TSNARE1: variants seen among roughly 807,000 people sequenced by gnomAD.
TSNARE1 encodes t-SNARE domain-containing protein 1.
Under a neutral mutation model 62.0 loss-of-function variants are expected in TSNARE1, and 49 were observed. That is an observed-to-expected ratio of 0.79 (90% CI 0.63 to 1.00). The LOEUF is 1.00. Among genes scored for constraint, TSNARE1 ranks in the 50% least tolerant of loss-of-function variants. TSNARE1 has a pLI of 0.00. For missense variants in TSNARE1, 755 were observed against 700.1 expected (o/e 1.08, Z -0.88); for synonymous variants, 328 against 294.4 (o/e 1.11, Z -1.17).
intron 9 of TSNARE1, among the ~76,000 whole-genome samples, chr8:142,308,127 A>G (rs1047832817): frequency 6.6e-6 from 1 of 152,178 alleles, no homozygotes; most frequent in Non-Finnish European, 1.5e-5. Context: ...ATCTTTATAT[A>G]TTAAGGATGT....
intron 4 of TSNARE1, among the ~76,000 whole-genome samples, chr8:142,340,566 A>T (rs1832441286): frequency 6.6e-6 from 1 of 152,216 alleles, no homozygotes; most frequent in Non-Finnish European, 1.5e-5. Flanking sequence ...GAAGACTTTA[A>T]AAGGGTGAAA....
intron 5 of TSNARE1, among the ~76,000 whole-genome samples, chr8:142,331,371 C>T (rs114008781): frequency 0.013 from 2,008 of 152,338 alleles, 42 homozygotes; most frequent in African/African-American, 0.046. Context: ...GTCTGAGAGG[C>T]CCTGGGATGC....
intron 12 of TSNARE1, among the ~76,000 whole-genome samples, chr8:142,238,157 G>T (rs1202763038): frequency 6.6e-6 from 1 of 152,068 alleles, no homozygotes; most frequent in African/African-American, 2.4e-5. Context: ...TGGGGAGAAG[G>T]AGTGCCGTCT....
At chr8:142,370,852 A>C (rs530572007) in intron 1 of TSNARE1, among the ~76,000 whole-genome samples, 80 of 151,580 alleles carry the variant, frequency 5.3e-4, no homozygotes, top group South Asian at 3.5e-3. Flanking sequence ...AAAAAACAAA[A>C]AAAAAAAAAC....
intron 12 of TSNARE1, among the ~76,000 whole-genome samples, chr8:142,265,913 T>C (rs1051483338): frequency 2.0e-5 from 3 of 152,248 alleles, no homozygotes; most frequent in Admixed American, 6.5e-5. Flanking sequence ...TCTGATGGAA[T>C]TGTTTTCTTT....
chr8:142,388,193 C>T (rs1052506825), intron 1 of TSNARE1, among the ~76,000 whole-genome samples: 4 of 151,978 alleles, frequency 2.6e-5, no homozygotes, highest in Non-Finnish European at 4.4e-5. Context: ...AAAAAAGCAA[C>T]TGACAAAATT....
intron 11 of TSNARE1, chr8:142,275,506 C>G (rs1240917078): frequency 1.0e-6 from 1 of 985,312 alleles, no homozygotes; most frequent in Non-Finnish European, 1.2e-6. Flanking sequence ...GGGGCAGCCC[C>G]AGGGATCCGG....
chr8:142,345,829 T>C lies in TSNARE1; in HGVS notation c.152A>G (p.Lys51Arg), dbSNP rs1586936319. ...CTTCCCCACACAGCGGTTCTGCAGCTTGCTCTCTGGCGACGGGCAGGGGAA... is the reference window on the plus strand; with the variant it reads ...CTTCCCCACACAGCGGTTCTGCAGCCTGCTCTCTGGCGACGGGCAGGGGAA... ...RHFPCPSPES[K>R]LQNRCVGKDG... Residue 51 changes from lysine to arginine, a missense_variant, in exon 3 of 14, where the codon AAG becomes AGG. Lys to Arg is a conservative substitution (Grantham distance 26, BLOSUM62 2). Transcript: ENST00000524325. The C allele has an allele frequency of 4.3e-6, 7 of 1,614,010 alleles. No homozygotes were observed. Among genetic ancestry groups the C allele is most frequent in the Non-Finnish European group, 5.9e-6 (7 of 1,179,942 alleles).
intron 5 of TSNARE1, 107 bp downstream of exon 5, chr8:142,331,647 A>T (rs1831052084): frequency 1.8e-6 from 2 of 1,101,684 alleles, no homozygotes; most frequent in Non-Finnish European, 2.7e-6. Flanking sequence ...ACTGCACCGC[A>T]GGATGGCCTG....
intron 13 of TSNARE1, among the ~76,000 whole-genome samples, chr8:142,219,542 A>G (rs1465107304): frequency 6.6e-6 from 1 of 152,140 alleles, no homozygotes; most frequent in East Asian, 1.9e-4. Context: ...GGGGACTCAA[A>G]CCCAGGGCCA....
At chr8:142,229,318 T>C (rs1025460028) in intron 13 of TSNARE1, among the ~76,000 whole-genome samples, 155 bp downstream of exon 13, 7 of 151,102 alleles carry the variant, frequency 4.6e-5, no homozygotes, top group Non-Finnish European at 1.0e-4. Flanking sequence ...GGTGGATGGG[T>C]AGATGGATGG....
upstream of TSNARE1, among the ~76,000 whole-genome samples, chr8:142,403,444 G>A (rs972137849): frequency 2.6e-5 from 4 of 152,032 alleles, no homozygotes; most frequent in South Asian, 2.1e-4. Context: ...GTCACGTGGA[G>A]GGCGGCGGCC....
At chr8:142,218,670 G>A (rs1056438189) in intron 13 of TSNARE1, among the ~76,000 whole-genome samples, 1 of 152,160 alleles carries the variant, frequency 6.6e-6, no homozygotes, top group Non-Finnish European at 1.5e-5. Context: ...ACACACTCAG[G>A]GTCCAAATGC....
In TSNARE1 at chr8:142,271,235, C is replaced by T. The variant is rs562320286; in HGVS notation, c.1446+3546G>A. On this transcript the variant is annotated intron_variant, in intron 12 of 13. Transcript: ENST00000524325. ...GTCCTGGAGTGAGGGTGAGGCTTCC[C>T]GGGTAGGGCGTGCTTCCACCAGCCT... 64 of 1,010,216 alleles carry T rather than the reference C, an allele frequency of 6.3e-5. No individual in the cohort carries two copies. The African/African-American group carries it at 7.7e-4, about 12-fold the overall frequency. The allele number at this position is 1,010,216 out of a possible 1,614,324, so 62.6% of individuals were successfully genotyped here.
intron 11 of TSNARE1, among the ~76,000 whole-genome samples, chr8:142,281,874 G>A (rs1297715920): frequency 6.6e-6 from 1 of 152,104 alleles, no homozygotes; most frequent in Non-Finnish European, 1.5e-5. Context: ...TCCAAGCTCA[G>A]CCCCTTCATC....
intron 9 of TSNARE1, among the ~76,000 whole-genome samples, chr8:142,301,966 G>C (rs536861596): frequency 1.3e-5 from 2 of 152,212 alleles, no homozygotes; most frequent in African/African-American, 4.8e-5. Context: ...AGGCGACAGC[G>C]GTGGGGATGG....
intron 1 of TSNARE1, among the ~76,000 whole-genome samples, chr8:142,396,482 C>T (rs1837905530): frequency 6.6e-6 from 1 of 152,244 alleles, no homozygotes; most frequent in South Asian, 2.1e-4. Context: ...TGCTCTGGAA[C>T]ATCATCTCAA....
rs57683501 is a variant in TSNARE1 at position 142,377,626 on chromosome 8, G to A, written c.-39-22863C>T. On this transcript the variant is annotated intron_variant, in intron 1 of 13. Transcript: ENST00000524325. ...CCAGAGGATGCCAGCACCTGCCATCGGGTTAGTGCTGGTGCATAACTGGGG... is the reference window on the plus strand; with the variant it reads ...CCAGAGGATGCCAGCACCTGCCATCAGGTTAGTGCTGGTGCATAACTGGGG... Among the ~76,000 whole-genome samples the A allele has an allele frequency of 1.6e-3, 243 of 152,262 alleles. No homozygotes were observed. The East Asian group carries it at 0.021, about 13-fold the overall frequency.
rs769113647 is a variant in TSNARE1, at chr8:142,300,576, C to A, written c.1200G>T (p.Trp400Cys). The change falls in exon 10 of 14, where the codon TGG (tryptophan) becomes TGT (cysteine). Residue 400 changes from tryptophan (W) to cysteine (C), a missense_variant. Trp to Cys is a radical substitution (Grantham distance 215, BLOSUM62 -2). Coordinates refer to ENST00000524325, the MANE Select transcript of TSNARE1 (RefSeq NM_145003.5). ...EKVFNGSDNM[W>C]QGQEQALLPD... ...GGAGCAGCGCCTGCTCCTGGCCCTG[C>A]CACATGTTGTCACTCCCGTTAAAGA... 1 of 1,613,504 alleles carries A rather than the reference C, an allele frequency of 6.2e-7. No homozygotes were observed. The highest frequency in any genetic ancestry group is 1.7e-5 in the Admixed American group (1 of 60,026).
Sources: allele counts gnomAD v4.1 joint callset (sites outside exome capture counted in the v4.1 genomes callset), GRCh38; gene constraint gnomAD v4.1.1; transcripts MANE v1.5; gene names NCBI Gene and HGNC (gene_info 2026-07-23, HGNC 2026-07-21).